EDNRA: variants seen among roughly 807,000 people sequenced by gnomAD.
The protein encoded by EDNRA is endothelin receptor type A, also known as endothelin-1 receptor.
A neutral mutation model predicts 41.4 loss-of-function variants in EDNRA; 11 were observed. That is an observed-to-expected ratio of 0.27 (90% CI 0.17 to 0.44). The LOEUF is 0.44. Among genes scored for constraint, EDNRA ranks in the 20% least tolerant of loss-of-function variants. The pLI, the probability that EDNRA is intolerant of heterozygous loss-of-function variation, is 1.00. For missense variants in EDNRA, 294 were observed against 531.0 expected, an observed-to-expected ratio of 0.55 and a Z score of 4.39; for synonymous variants, 172 against 183.0, an observed-to-expected ratio of 0.94 and a Z score of 0.49.
At position 147,485,642 on chromosome 4, in the gene EDNRA, A is replaced by T. The variant is rs1043669465; in HGVS notation, c.-40A>T. The T allele has an allele frequency of 6.5e-7, 1 of 1,532,816 alleles. No homozygotes were observed. Among genetic ancestry groups the T allele is most frequent in the Non-Finnish European group, 8.8e-7 (1 of 1,141,104 alleles). 95.0% of individuals were successfully genotyped at this position (1,532,816 alleles called of 1,614,324 possible). On this transcript the variant is annotated 5_prime_UTR_variant, in exon 2 of 8. Transcript: ENST00000651419. ...AAAAAAGTGAAGGTGTAAAAGCAGC[A>T]CAAGTGCAATAAGAGATATTTCCTC... is the stretch of plus-strand genomic sequence containing the variant.
At chr4:147,498,896 C>T (rs1437813247) in intron 2 of EDNRA, among the ~76,000 whole-genome samples, 3 of 152,188 alleles carry the variant, frequency 2.0e-5, no homozygotes, top group Non-Finnish European at 2.9e-5. Flanking sequence ...TGAGCCACTG[C>T]GACCAGACAC....
At chr4:147,507,525 G>A (rs1211811668) in intron 2 of EDNRA, among the ~76,000 whole-genome samples, 1 of 152,166 alleles carries the variant, frequency 6.6e-6, no homozygotes, top group Admixed American at 6.5e-5. Flanking sequence ...TGGTTGCCAG[G>A]GGTTGGGAAT....
intron 3 of EDNRA, among the ~76,000 whole-genome samples, chr4:147,521,242 A>C (rs1404233007): frequency 6.6e-6 from 1 of 152,262 alleles, no homozygotes; most frequent in African/African-American, 2.4e-5. Flanking sequence ...AATGTTATTA[A>C]AAATAAAACA....
intron 2 of EDNRA, among the ~76,000 whole-genome samples, chr4:147,505,653 T>G (rs1729683553): frequency 6.9e-6 from 1 of 145,778 alleles, no homozygotes; most frequent in African/African-American, 2.6e-5. Context: ...GCAGTTTTTT[T>G]TTTTTTTTTT....
In EDNRA at chr4:147,484,290, C is replaced by T. The variant is rs557443209; in HGVS notation, c.-70-1322C>T. The stretch of plus-strand genomic sequence containing the variant: ...TAAATAAATAAATAAATAAACCACA[C>T]CAGATGGTCTTTGAAAATGTCTAAC... On this transcript the variant is annotated intron_variant, in intron 1 of 7. Transcript: ENST00000651419. Among the ~76,000 whole-genome samples the T allele has an allele frequency of 2.6e-5, 4 of 152,292 alleles. No individual in the cohort carries two copies. The South Asian group carries it at 8.3e-4, about 32-fold the overall frequency.
In EDNRA at chr4:147,486,129, A is replaced by G. The variant is rs1394587712; in HGVS notation, c.420+28A>G. The G allele has an allele frequency of 6.3e-7, 1 of 1,579,098 alleles. No homozygotes were observed. The highest frequency in any genetic ancestry group is 1.7e-5 in the Admixed American group (1 of 57,510). On this transcript the variant is annotated intron_variant, in intron 2 of 7. Transcript: ENST00000651419. This position sits in a 1 kb window ranked among gnomAD's most constrained non-coding sequence, Gnocchi z 4.3. The stretch of plus-strand genomic sequence containing the variant: ...AGGAAGTAACCACAAATGTATTTGC[A>G]AATTTAAACCCATGCTCTGATTCCA...
At chr4:147,513,845 G>A (rs1247221696) in intron 2 of EDNRA, among the ~76,000 whole-genome samples, 1 of 152,182 alleles carries the variant, frequency 6.6e-6, no homozygotes, top group Non-Finnish European at 1.5e-5. Flanking sequence ...ACAGGATGGG[G>A]TGAGAGGAAA....
At chr4:147,502,068 GA>G (rs1729535506) in intron 2 of EDNRA, among the ~76,000 whole-genome samples, 1 of 152,104 alleles carries the variant, frequency 6.6e-6, no homozygotes, top group African/African-American at 2.4e-5. Flanking sequence ...TGTCAGGGAG[GA>G]AGTCTTTTTT....
chr4:147,496,922 A>G (rs1374285564), intron 2 of EDNRA, among the ~76,000 whole-genome samples: 2 of 152,184 alleles, frequency 1.3e-5, no homozygotes, highest in Admixed American at 1.3e-4. Context: ...TGGTGCATAT[A>G]TATGTTGAAT....
intron 3 of EDNRA, among the ~76,000 whole-genome samples, chr4:147,529,913 C>T (rs796842566): frequency 5.9e-5 from 9 of 152,174 alleles, no homozygotes; most frequent in African/African-American, 2.2e-4. Flanking sequence ...GAGATGTTAT[C>T]GAGATCTGTG....
chr4:147,503,935 T>C (rs1334430736), intron 2 of EDNRA, among the ~76,000 whole-genome samples: 3 of 152,008 alleles, frequency 2.0e-5, no homozygotes, highest in Non-Finnish European at 2.9e-5. Flanking sequence ...ATAAATGATA[T>C]ATTTTTATGA....
chr4:147,521,825 A>G (rs1358972710), intron 3 of EDNRA, among the ~76,000 whole-genome samples: 1 of 152,190 alleles, frequency 6.6e-6, no homozygotes, highest in Non-Finnish European at 1.5e-5. Context: ...TAATCATGAC[A>G]TTTTGAAAAA....
intron 2 of EDNRA, among the ~76,000 whole-genome samples, chr4:147,502,895 A>G (rs934087481): frequency 3.9e-5 from 6 of 152,338 alleles, no homozygotes; most frequent in Admixed American, 2.0e-4. Flanking sequence ...TAGGACTGAT[A>G]TGACTGCTTT....
rs372080718 is a variant in EDNRA at position 147,540,128 on chromosome 4, T to A, written c.1034+178T>A. ...GATCCCAAAATGTGTGCAAGCCACA[T>A]CTGTTATCTTGCCCCTCCCCTCCTG... is the stretch of plus-strand genomic sequence containing the variant. On this transcript the variant is annotated intron_variant, in intron 6 of 7. Coordinates refer to ENST00000651419, the MANE Select transcript of EDNRA (RefSeq NM_001957.4). Among the ~76,000 whole-genome samples the A allele has an allele frequency of 2.6e-4, 39 of 152,346 alleles. 1 individual carries two copies. The East Asian group carries it at 6.9e-3, about 27-fold the overall frequency.
rs1730223222 is a variant in EDNRA at position 147,519,094 on chromosome 4, A to T, written c.421-757A>T. ...GGAAGAACAGATTTTTCTGCATGTGATACCAACAGATCAAGGTAACCACAT... is the reference window on the plus strand; with the variant it reads ...GGAAGAACAGATTTTTCTGCATGTGTTACCAACAGATCAAGGTAACCACAT... On this transcript the variant is annotated intron_variant, in intron 2 of 7. Transcript: ENST00000651419. The surrounding 1 kb of genome is among the most constrained non-coding windows in gnomAD (Gnocchi z 4.1). Among the ~76,000 whole-genome samples, 3 of 152,222 alleles carry T rather than the reference A, an allele frequency of 2.0e-5. No homozygotes were observed. Among genetic ancestry groups the T allele is most frequent in the Admixed American group, 2.0e-4 (3 of 15,284 alleles).
At chr4:147,533,462 G>T (rs570501114) in intron 4 of EDNRA, among the ~76,000 whole-genome samples, 133 of 152,270 alleles carry the variant, frequency 8.7e-4, no homozygotes, top group African/African-American at 3.1e-3. Flanking sequence ...ATAATTTAGT[G>T]CTTTGATGTA....
intron 2 of EDNRA, among the ~76,000 whole-genome samples, chr4:147,511,174 C>A (rs539019660): frequency 1.6e-4 from 25 of 152,296 alleles, no homozygotes; most frequent in African/African-American, 5.8e-4. Context: ...CCCTAGAAGA[C>A]AGCCTGGCTT....
intron 5 of EDNRA, among the ~76,000 whole-genome samples, chr4:147,538,912 C>A (rs1423859239): frequency 6.6e-6 from 1 of 152,182 alleles, no homozygotes; most frequent in Non-Finnish European, 1.5e-5. Flanking sequence ...ATTAACTGAT[C>A]CCAGTTACAG....
At chr4:147,497,882 T>C (rs1253839414) in intron 2 of EDNRA, among the ~76,000 whole-genome samples, 2 of 152,150 alleles carry the variant, frequency 1.3e-5, no homozygotes, top group African/African-American at 2.4e-5. Flanking sequence ...CTCTCGGACT[T>C]TTTGAGACCA....
Sources: allele counts gnomAD v4.1 joint callset (sites outside exome capture counted in the v4.1 genomes callset), GRCh38; gene constraint gnomAD v4.1.1; non-coding constraint Gnocchi (gnomAD v3.1); transcripts MANE v1.5; gene names NCBI Gene and HGNC (gene_info 2026-07-23, HGNC 2026-07-21).